The following DNAJC27 variants were observed in gnomAD, a reference collection of about 807,000 sequenced individuals.
The protein encoded by DNAJC27 is DnaJ heat shock protein family (Hsp40) member C27.
Under a neutral mutation model 31.4 loss-of-function variants are expected in DNAJC27, and 25 were observed. That is an observed-to-expected ratio of 0.80 (90% CI 0.58 to 1.11). The LOEUF is 1.11. Ranked by LOEUF, DNAJC27 falls within the 50% of genes most tolerant of loss-of-function variation. The probability of loss-of-function intolerance (pLI) is 0.00; values close to 1 mark genes in which losing one functional copy is unlikely to be tolerated. For synonymous variants in DNAJC27, 106 were observed against 112.7 expected, an observed-to-expected ratio of 0.94 and a Z score of 0.37; for missense variants, 356 against 347.3, an observed-to-expected ratio of 1.02 and a Z score of -0.20.
chr2:24,949,258 C>T (rs1028089529), intron 6 of DNAJC27, among the ~76,000 whole-genome samples: 3 of 152,160 alleles, frequency 2.0e-5, no homozygotes, highest in African/African-American at 7.2e-5. Flanking sequence ...TGTAAGAATT[C>T]TTATTTGTCC....
At chr2:24,957,550 T>A (rs1388299703) in intron 4 of DNAJC27, among the ~76,000 whole-genome samples, 1 of 152,100 alleles carries the variant, frequency 6.6e-6, no homozygotes, top group Non-Finnish European at 1.5e-5. Flanking sequence ...AGTCTGATTA[T>A]TAGGAACCAT....
rs2149127875 is a variant in DNAJC27, at chr2:24,961,968, G to A, written c.240+1437C>T. 1.3e-5 allele frequency among the ~76,000 whole-genome samples: 2 copies of A among 152,316 alleles called. 1 individual carries two copies. The highest frequency in any genetic ancestry group is 4.1e-4 in the South Asian group (2 of 4,830). On this transcript the variant is annotated intron_variant, in intron 3 of 6. Coordinates refer to ENST00000264711, the MANE Select transcript of DNAJC27 (RefSeq NM_016544.3). ...TTTTGAATGAAGTTCTAATGTGGGT[G>A]AAAATGCTGTCAAATAGCATTGCAT...
intron 6 of DNAJC27, among the ~76,000 whole-genome samples, chr2:24,948,547 C>T (rs1439853200): frequency 3.9e-5 from 6 of 152,210 alleles, no homozygotes; most frequent in East Asian, 1.9e-4. Flanking sequence ...AATGAGCTCA[C>T]GAGACCAAAG....
intron 6 of DNAJC27, among the ~76,000 whole-genome samples, chr2:24,950,769 C>T (rs1333198962): frequency 6.6e-6 from 1 of 152,030 alleles, no homozygotes; most frequent in Non-Finnish European, 1.5e-5. Context: ...ATTGCTTGAA[C>T]CCAGGAGGCA....
In DNAJC27 at chr2:24,944,984, T is replaced by G. The variant is rs1665612653; in HGVS notation, c.*2632A>C. The G allele has an allele frequency of 6.6e-6, 1 of 152,542 alleles. No homozygotes were observed. Among genetic ancestry groups the G allele is most frequent in the Non-Finnish European group, 1.5e-5 (1 of 68,046 alleles). 9.4% of individuals were successfully genotyped at this position (152,542 alleles called of 1,614,324 possible). A position where few individuals can be genotyped will look rare whatever the true frequency, so the allele number is the denominator to read the frequency against. ...ATAAAAACGTTTTAGCCATTGTAATTATTCTGCTAGCTGTTACTCTCACTA... is the reference window on the plus strand; with the variant it reads ...ATAAAAACGTTTTAGCCATTGTAATGATTCTGCTAGCTGTTACTCTCACTA... On this transcript the variant is annotated 3_prime_UTR_variant, in exon 7 of 7. Coordinates refer to ENST00000264711, the MANE Select transcript of DNAJC27 (RefSeq NM_016544.3).
Position 24,943,907 on chromosome 2 carries a change from T to C in DNAJC27, c.*3709A>G, listed in dbSNP as rs1665583337. 6.6e-6 allele frequency: 1 copy of C among 152,516 alleles called. No individual in the cohort carries two copies. The highest frequency in any genetic ancestry group is 6.5e-5 in the Admixed American group (1 of 15,278). The allele number at this position is 152,516 out of a possible 1,614,324, so 9.4% of individuals were successfully genotyped here. Reference sequence around the variant, plus strand: ...CTCATCTTGCCAACAGGGCCTCTATTGCACCGCCTAATATTGCACTGCTCG... The same window carrying C: ...CTCATCTTGCCAACAGGGCCTCTATCGCACCGCCTAATATTGCACTGCTCG... On this transcript the variant is annotated 3_prime_UTR_variant, in exon 7 of 7. Transcript: ENST00000264711.
rs146454820 is a variant in DNAJC27, at chr2:24,971,081, T to C, written c.87+737A>G. On this transcript the variant is annotated intron_variant, in intron 1 of 6. Coordinates refer to ENST00000264711, the MANE Select transcript of DNAJC27 (RefSeq NM_016544.3). ...AAGTTCTTAACCAACAGATTCCACT[T>C]GCCCAAAAGGAAAGAATTTGAGTGA... Among the ~76,000 whole-genome samples the C allele has an allele frequency of 8.5e-5, 13 of 152,308 alleles. No individual in the cohort carries two copies. In the East Asian group the frequency reaches 2.5e-3, roughly 29 times the overall value.
At position 24,947,519 on chromosome 2, in the gene DNAJC27, G is replaced by A; in HGVS notation, c.*97C>T. On this transcript the variant is annotated 3_prime_UTR_variant, in exon 7 of 7. Transcript: ENST00000264711. ...TGACAACACATGAATGAAAAGAGCA[G>A]TGAGATTCTGGGAAGGAAAACTCCA... 7.1e-7 allele frequency: 1 copy of A among 1,408,940 alleles called. No homozygotes were observed. The allele number at this position is 1,408,940 out of a possible 1,614,324, so 87.3% of individuals were successfully genotyped here. A position where few individuals can be genotyped will look rare whatever the true frequency, so the allele number is the denominator to read the frequency against.
rs965970843 is a variant in DNAJC27, at chr2:24,946,070, C to G, written c.*1546G>C. 2 of 152,158 alleles carry G rather than the reference C, an allele frequency of 1.3e-5. No individual in the cohort carries two copies. Among genetic ancestry groups the G allele is most frequent in the African/African-American group, 4.8e-5 (2 of 41,428 alleles). 9.4% of individuals were successfully genotyped at this position (152,158 alleles called of 1,614,324 possible). A position where few individuals can be genotyped will look rare whatever the true frequency, so the allele number is the denominator to read the frequency against. ...GCAGCTAAAAGTATGAGTGATGTAACAAGAATGACGACGTAATGAGTCAAG... is the reference window on the plus strand; with the variant it reads ...GCAGCTAAAAGTATGAGTGATGTAAGAAGAATGACGACGTAATGAGTCAAG... On this transcript the variant is annotated 3_prime_UTR_variant, in exon 7 of 7. Coordinates refer to ENST00000264711, the MANE Select transcript of DNAJC27 (RefSeq NM_016544.3).
intron 6 of DNAJC27, among the ~76,000 whole-genome samples, chr2:24,950,903 C>T (rs974321505): frequency 6.6e-6 from 1 of 151,754 alleles, no homozygotes; most frequent in East Asian, 1.9e-4. Flanking sequence ...GAGGAACTTG[C>T]AGGGCTTTAG....
chr2:24,949,935 G>A (rs1331616267), intron 6 of DNAJC27, among the ~76,000 whole-genome samples: 1 of 148,458 alleles, frequency 6.7e-6, no homozygotes, highest in Non-Finnish European at 1.5e-5. Flanking sequence ...AACCCTACTG[G>A]CTTTTTTTTT....
Position 24,950,096 on chromosome 2 carries a change from G to GAA in DNAJC27, c.689+1296_689+1297dup, listed in dbSNP as rs765039220. Among the ~76,000 whole-genome samples, 6 of 132,086 alleles carry GAA rather than the reference G, an allele frequency of 4.5e-5. No homozygotes were observed. In the East Asian group the frequency reaches 6.6e-4, roughly 15 times the overall value. 86.7% of individuals were successfully genotyped at this position (132,086 alleles called of 152,430 possible). A position where few individuals can be genotyped will look rare whatever the true frequency, so the allele number is the denominator to read the frequency against. On this transcript the variant is annotated intron_variant, in intron 6 of 6. Coordinates refer to ENST00000264711, the MANE Select transcript of DNAJC27 (RefSeq NM_016544.3). ...ACAATAAACCAAAGAGTATAGCACT[G>GAA]AAAAAAAAAAAAAGATCCCGATAAA...
chr2:24,950,663 A>G (rs1210413545), intron 6 of DNAJC27, among the ~76,000 whole-genome samples: 1 of 152,132 alleles, frequency 6.6e-6, no homozygotes, highest in Non-Finnish European at 1.5e-5. Context: ...CCTGGCCAAC[A>G]TGGCAAAACC....
intron 2 of DNAJC27, among the ~76,000 whole-genome samples, chr2:24,964,673 T>C (rs1666134199): frequency 6.6e-6 from 1 of 152,204 alleles, no homozygotes; most frequent in South Asian, 2.1e-4. Context: ...CTGTCAATTA[T>C]ATCCTCCTGA....
chr2:24,967,317 AT>A, intron 1 of DNAJC27, 24 bp from the exon 2 acceptor site: 1 of 1,440,038 alleles, frequency 6.9e-7, no homozygotes, highest in Non-Finnish European at 9.8e-7. Flanking sequence ...AAATACAGGC[AT>A]TTAGTAAATA....
chr2:24,959,131 T>C (rs1665980988), intron 3 of DNAJC27, among the ~76,000 whole-genome samples: 1 of 152,198 alleles, frequency 6.6e-6, no homozygotes, highest in African/African-American at 2.4e-5. Context: ...TCAGTACTCA[T>C]GGTCCTTGGC....
chr2:24,970,681 C>T (rs2149133792), intron 1 of DNAJC27, among the ~76,000 whole-genome samples: 1 of 151,732 alleles, frequency 6.6e-6, no homozygotes, highest in Non-Finnish European at 1.5e-5. Flanking sequence ...TCTTGAACTC[C>T]TGACCTCAAG....
At chr2:24,954,447 G>A (rs1470498059) in intron 5 of DNAJC27, among the ~76,000 whole-genome samples, 1 of 152,138 alleles carries the variant, frequency 6.6e-6, no homozygotes, top group African/African-American at 2.4e-5. Flanking sequence ...ACCAAGAGCT[G>A]ACAAGATCTG....
chr2:24,961,767 T>C (rs1439530597), intron 3 of DNAJC27, among the ~76,000 whole-genome samples: 5 of 152,114 alleles, frequency 3.3e-5, no homozygotes, highest in African/African-American at 1.2e-4. Flanking sequence ...AGTCTCACGA[T>C]AAAAAATAAA....
Sources: gnomAD v4.1 joint callset for allele counts (sites outside exome capture counted in the v4.1 genomes callset) on GRCh38, gnomAD v4.1.1 for gene constraint, MANE v1.5 for transcripts, NCBI Gene and HGNC (gene_info 2026-07-23, HGNC 2026-07-21) for gene names.